Variants in QRICH2 observed in about 807,000 individuals in gnomAD.
The protein encoded by QRICH2 is glutamine rich 2.
Under a neutral mutation model 168.3 loss-of-function variants are expected in QRICH2, and 119 were observed. The observed-to-expected ratio is 0.71, with a 90% CI of 0.61 to 0.82. The LOEUF is 0.82. Ranked by LOEUF, QRICH2 falls within the 40% of genes least tolerant of loss-of-function variation. The probability of loss-of-function intolerance (pLI) is 0.00; values close to 1 mark genes in which losing one functional copy is unlikely to be tolerated. For synonymous variants in QRICH2, 894 were observed against 951.2 expected (o/e 0.94, Z 1.11); for missense variants, 2,241 against 2,491.6 (o/e 0.90, Z 2.14).
chr17:76,307,844 G>A lies in QRICH2; in HGVS notation c.155C>T (p.Pro52Leu). 7.8e-7 allele frequency: 1 copy of A among 1,281,510 alleles called. No homozygotes were observed. Among genetic ancestry groups the A allele is most frequent in the South Asian group, 2.8e-5 (1 of 35,454 alleles). 79.4% of individuals were successfully genotyped at this position (1,281,510 alleles called of 1,614,324 possible). A position where few individuals can be genotyped will look rare whatever the true frequency, so the allele number is the denominator to read the frequency against. ...CGAGCGGCTGGGCTCGGGCGACGAG[G>A]GCTGGAAGTCGATCCGGGTATTTTG... is the stretch of plus-strand genomic sequence containing the variant. ...DLQNTRIDFQ[P>L]SSPEPSRSLQ... The change falls in exon 1 of 19, where the codon CCC (proline) becomes CTC (leucine). Residue 52 changes from proline to leucine, a missense_variant. By Grantham distance (98) the Pro-to-Leu change is moderately conservative. Coordinates refer to ENST00000680821, the MANE Select transcript of QRICH2 (RefSeq NM_001388453.1). This position sits in a 1 kb window ranked among gnomAD's most constrained non-coding sequence, Gnocchi z 5.3.
chr17:76,301,875 TG>T (rs1356458518), intron 3 of QRICH2, among the ~76,000 whole-genome samples: 4 of 1,214 alleles, frequency 3.3e-3, no homozygotes, highest in Non-Finnish European at 5.0e-3. Context: ...GCTAATTTTG[TG>T]TGTGTGTGTG....
intron 16 of QRICH2, 149 bp from the exon 17 acceptor site, chr17:76,276,916 G>C: frequency 1.4e-6 from 1 of 737,792 alleles, no homozygotes; most frequent in South Asian, 1.9e-5. Flanking sequence ...AAGGTGGAGG[G>C]AGGTGAAACA....
At position 76,274,319 on chromosome 17, in the gene QRICH2, C is replaced by T. The variant is rs1181620147; in HGVS notation, c.5483-59G>A. The T allele has an allele frequency of 2.0e-6, 3 of 1,510,048 alleles. No individual in the cohort carries two copies. In the East Asian group the frequency reaches 7.4e-5, roughly 37 times the overall value. The allele number at this position is 1,510,048 out of a possible 1,614,324, so 93.5% of individuals were successfully genotyped here. On this transcript the variant is annotated intron_variant, in intron 18 of 18. Transcript: ENST00000680821. ...ATTCCCCAAGCCCACCAGGGGTCAC[C>T]CCAGCCTGCCCAATGCCCAGGGAGG... is the stretch of plus-strand genomic sequence containing the variant.
rs1568117131 is a variant in QRICH2, at chr17:76,291,745, G to GAA, written c.2980_2981dup (p.Gln995SerfsTer33). ...ATATAAAACCTGTAGAATCTGCCTGGAATGTTGAAGAGCCACGAAGCTTTG... is the reference window on the plus strand; with the variant it reads ...ATATAAAACCTGTAGAATCTGCCTGGAAAATGTTGAAGAGCCACGAAGCTTTG... On this transcript the variant is annotated frameshift_variant, in exon 4 of 19. Transcript: ENST00000680821. LOFTEE classifies it high-confidence loss of function. 1 of 1,614,180 alleles carries GAA rather than the reference G, an allele frequency of 6.2e-7. No individual in the cohort carries two copies. The highest frequency in any genetic ancestry group is 8.5e-7 in the Non-Finnish European group (1 of 1,180,028).
intron 3 of QRICH2, among the ~76,000 whole-genome samples, chr17:76,299,302 G>A (rs1201108341): frequency 6.6e-6 from 1 of 152,122 alleles, no homozygotes; most frequent in African/African-American, 2.4e-5. Context: ...ACGGAAGCAG[G>A]GTGAAGAGTA....
intron 1 of QRICH2, 44 bp from the exon 2 acceptor site, chr17:76,304,985 A>T (rs1479061180): frequency 7.4e-7 from 1 of 1,345,352 alleles, no homozygotes; most frequent in Non-Finnish European, 1.1e-6. Context: ...TGGCCCCTAC[A>T]CACGCACACT....
rs1035860931 is a variant in QRICH2 at position 76,280,594 on chromosome 17, A to G, written c.4461+60T>C. 1 of 1,606,552 alleles carries G rather than the reference A, an allele frequency of 6.2e-7. No individual in the cohort carries two copies. The highest frequency in any genetic ancestry group is 1.3e-5 in the African/African-American group (1 of 74,770). On this transcript the variant is annotated intron_variant, in intron 10 of 18. Transcript: ENST00000680821. The surrounding 1 kb of genome is among the most constrained non-coding windows in gnomAD (Gnocchi z 7.4). ...CCAGCTCCCCTCCACTCAGTCTCTC[A>G]AAGAACAGTCAGCGAGACCGCCCTG... is the stretch of plus-strand genomic sequence containing the variant.
chr17:76,298,900 G>A (rs947800850), intron 3 of QRICH2, among the ~76,000 whole-genome samples: 6 of 152,156 alleles, frequency 3.9e-5, no homozygotes, highest in African/African-American at 1.4e-4. Flanking sequence ...ATAGGTGTGA[G>A]CCACAGCGCC....
intron 4 of QRICH2, 68 bp downstream of exon 4, chr17:76,290,947 G>A (rs1222989939): frequency 3.8e-6 from 6 of 1,561,008 alleles, no homozygotes; most frequent in Non-Finnish European, 5.2e-6. Context: ...GAGGCCAGGG[G>A]AAGAAAAGGA....
At chr17:76,276,051 G>A (rs749064448) in intron 17 of QRICH2, 104 bp from the exon 18 acceptor site, 162 of 1,378,728 alleles carry the variant, frequency 1.2e-4, no homozygotes, top group Non-Finnish European at 1.5e-4. Flanking sequence ...GGTCATGGCC[G>A]GCCTCAGCTG....
In QRICH2 at chr17:76,290,084, A is replaced by G. The variant is rs1017851311; in HGVS notation, c.3713-7T>C. 6.2e-7 allele frequency: 1 copy of G among 1,608,126 alleles called. No homozygotes were observed. Among genetic ancestry groups the G allele is most frequent in the Non-Finnish European group, 8.5e-7 (1 of 1,175,476 alleles). ...GGAGGTATGGTCCTTTTGACTATGGAAAGCAGAAGCCTTATGATCAGAGGG... is the reference window on the plus strand; with the variant it reads ...GGAGGTATGGTCCTTTTGACTATGGGAAGCAGAAGCCTTATGATCAGAGGG... On this transcript the variant is annotated splice_region_variant and splice_polypyrimidine_tract_variant and intron_variant, in intron 4 of 18. Coordinates refer to ENST00000680821, the MANE Select transcript of QRICH2 (RefSeq NM_001388453.1).
Position 76,293,052 on chromosome 17 carries a change from C to T in QRICH2, c.1675G>A (p.Gly559Ser), listed in dbSNP as rs2071040594. The T allele has an allele frequency of 1.2e-6, 2 of 1,614,106 alleles. No homozygotes were observed. The highest frequency in any genetic ancestry group is 2.7e-5 in the African/African-American group (2 of 74,932). Residue 559 changes from glycine (G) to serine (S), a missense_variant, in exon 4 of 19, where the codon GGC becomes AGC. Gly to Ser is a moderately conservative substitution (Grantham distance 56, BLOSUM62 0). Coordinates refer to ENST00000680821, the MANE Select transcript of QRICH2 (RefSeq NM_001388453.1). ...GFVQPSLEAT[G>S]FIQPGTEQHD... ...TGCTCTGTGCCAGGTTGTATGAAGC[C>T]AGTTGCTTCCAAACTGGGCTGCACA... is the stretch of plus-strand genomic sequence containing the variant.
chr17:76,309,355 CA>C (rs371703805), upstream of QRICH2: 257 of 108,814 alleles, frequency 2.4e-3, no homozygotes, highest in Admixed American at 3.9e-3. Flanking sequence ...GACTCTGTCT[CA>C]AAAAAAAAAA....
At chr17:76,308,339 A>G, upstream of QRICH2, 1 of 985,412 alleles carries the variant, frequency 1.0e-6, no homozygotes, top group Non-Finnish European at 1.2e-6. Context: ...CCTGCGAGCC[A>G]CGGGGGCGGG....
At position 76,293,884 on chromosome 17, in the gene QRICH2, C is replaced by T. The variant is rs556166859; in HGVS notation, c.843G>A (p.Pro281=). 30 of 1,614,118 alleles carry T rather than the reference C, an allele frequency of 1.9e-5. No homozygotes were observed. Among genetic ancestry groups the T allele is most frequent in the East Asian group, 1.6e-4 (7 of 44,870 alleles). ...QALDSASGLG[P]DRTASGSGGT... Reference sequence around the variant, plus strand: ...CACCAGATCCTGATGCAGTCCGATCCGGGCCAAGACCACTGGCAGAATCCA... The same window carrying T: ...CACCAGATCCTGATGCAGTCCGATCTGGGCCAAGACCACTGGCAGAATCCA... Residue 281 remains proline, a synonymous_variant, in exon 4 of 19, where the codon CCG becomes CCA. Coordinates refer to ENST00000680821, the MANE Select transcript of QRICH2 (RefSeq NM_001388453.1).
intron 3 of QRICH2, among the ~76,000 whole-genome samples, chr17:76,298,764 T>C (rs1203423758): frequency 6.6e-6 from 1 of 151,362 alleles, no homozygotes; most frequent in Non-Finnish European, 1.5e-5. Context: ...TACAGGCGCA[T>C]GCCACCACGC....
At chr17:76,277,897 TG>T (rs1461711805) in intron 15 of QRICH2, 91 bp downstream of exon 15, 1 of 1,373,010 alleles carries the variant, frequency 7.3e-7, no homozygotes, top group East Asian at 2.3e-5. Context: ...CCCCCAGCAG[TG>T]GGGCAAGGCA....
rs56751606 is a variant in QRICH2 at position 76,281,581 on chromosome 17, G to A, written c.4263+283C>T. The stretch of plus-strand genomic sequence containing the variant: ...AGTTGGGCCTGTGTCTCCAGGGCAC[G>A]CGAAGGGCACTGATCTGTCCTCAGC... On this transcript the variant is annotated intron_variant, in intron 8 of 18. Transcript: ENST00000680821. The surrounding 1 kb of genome is among the most constrained non-coding windows in gnomAD (Gnocchi z 4.4). Among the ~76,000 whole-genome samples, 5 of 152,248 alleles carry A rather than the reference G, an allele frequency of 3.3e-5. No individual in the cohort carries two copies. The highest frequency in any genetic ancestry group is 1.9e-4 in the East Asian group (1 of 5,180).
At position 76,281,890 on chromosome 17, in the gene QRICH2, A is replaced by C. The variant is rs770782298; in HGVS notation, c.4237T>G (p.Ser1413Ala). The C allele has an allele frequency of 3.1e-6, 5 of 1,613,294 alleles. No homozygotes were observed. The South Asian group carries it at 5.5e-5, about 18-fold the overall frequency. Residue 1413 changes from serine (S) to alanine (A), a missense_variant, in exon 8 of 19, where the codon TCC becomes GCC. Physicochemically the swap from Ser to Ala is moderately conservative, Grantham distance 99 (BLOSUM62 1). Coordinates refer to ENST00000680821, the MANE Select transcript of QRICH2 (RefSeq NM_001388453.1). This position sits in a 1 kb window ranked among gnomAD's most constrained non-coding sequence, Gnocchi z 4.4. Reference sequence around the variant, plus strand: ...TGTCTCTGGAGCTTGGCCTTCTTGGAGGGTCGGGAGACGGCCAGGCTGTTG... The same window carrying C: ...TGTCTCTGGAGCTTGGCCTTCTTGGCGGGTCGGGAGACGGCCAGGCTGTTG... ...MVNSLAVSRP[S>A]KKAKLQRQDE... is the part of the protein sequence containing the mutation.
Sources: gnomAD v4.1 joint callset for allele counts (sites outside exome capture counted in the v4.1 genomes callset) on GRCh38, gnomAD v4.1.1 for gene constraint, Gnocchi (gnomAD v3.1) non-coding constraint, MANE v1.5 for transcripts, NCBI Gene and HGNC (gene_info 2026-07-23, HGNC 2026-07-21) for gene names.